SLC16A2: variants seen among roughly 807,000 people sequenced by gnomAD.
SLC16A2 encodes solute carrier family 16 member 2, also known as monocarboxylate transporter 8.
In SLC16A2, 3 loss-of-function variants were observed where a neutral mutation model predicts 27.2. The observed-to-expected ratio is 0.11, with a 90% confidence interval of 0.05 to 0.28. The LOEUF is 0.28. Among genes scored for constraint, SLC16A2 ranks in the 10% least tolerant of loss-of-function variants. The pLI is 1.00. For missense variants in SLC16A2, 295 were observed against 458.5 expected (o/e 0.64, Z 3.26); for synonymous variants, 202 against 187.8 (o/e 1.08, Z -0.62).
At chrX:74,496,882 C>T (rs1399334885) in intron 1 of SLC16A2, among the ~76,000 whole-genome samples, 1 of 112,142 alleles carries the variant, frequency 8.9e-6, no homozygotes, top group Non-Finnish European at 1.9e-5. Flanking sequence ...TCAAACTCCA[C>T]GTTGTTCTGC....
At chrX:74,427,838 CA>C (rs1569282331) in intron 1 of SLC16A2, among the ~76,000 whole-genome samples, 61 of 110,081 alleles carry the variant, frequency 5.5e-4, no homozygotes, top group East Asian at 8.8e-4. Flanking sequence ...CACACACACA[CA>C]CACCCATACC....
rs182816449 is a variant in SLC16A2 at position 74,476,155 on chromosome X, A to G, written c.431-44835A>G. On this transcript the variant is annotated intron_variant, in intron 1 of 5. Transcript: ENST00000587091. ...ATTTGTTTGTATCCTCTTTCATTTC[A>G]TCAAGCAGTGGTTTGTAGTTCTCCT... Among the ~76,000 whole-genome samples the G allele has an allele frequency of 1.3e-4, 15 of 111,597 alleles. 1 individual carries two copies. The highest frequency in any genetic ancestry group is 1.1e-3 in the Admixed American group (12 of 10,492).
chrX:74,475,324 GTTGT>G (rs199500856), intron 1 of SLC16A2, among the ~76,000 whole-genome samples: 30,173 of 107,000 alleles, frequency 0.28, 4,401 homozygotes, highest in East Asian at 0.83. Context: ...TGTTGATGGA[GTTGT>G]TTGTTTTTTT....
chrX:74,441,675 C>T (rs759477390), intron 1 of SLC16A2, among the ~76,000 whole-genome samples: 2 of 111,394 alleles, frequency 1.8e-5, no homozygotes, highest in Non-Finnish European at 1.9e-5. Context: ...TTCAACTTCC[C>T]ACCTCTCCAA....
chrX:74,455,547 C>T (rs1929027909), intron 1 of SLC16A2, among the ~76,000 whole-genome samples: 1 of 111,118 alleles, frequency 9.0e-6, no homozygotes, highest in Non-Finnish European at 1.9e-5. Flanking sequence ...TAGGGTCAGC[C>T]TTGGTAAGTG....
intron 1 of SLC16A2, among the ~76,000 whole-genome samples, chrX:74,498,048 G>A (rs1429003506): frequency 5.4e-5 from 6 of 111,668 alleles, no homozygotes; most frequent in Admixed American, 1.9e-4. Flanking sequence ...TCACTCCTGG[G>A]TATAGGCCAA....
intron 1 of SLC16A2, among the ~76,000 whole-genome samples, chrX:74,465,614 C>T (rs1929237396): frequency 9.0e-6 from 1 of 111,537 alleles, no homozygotes; most frequent in Admixed American, 9.5e-5. Context: ...CAGGGCAGTC[C>T]CCACTAGAAG....
intron 1 of SLC16A2, among the ~76,000 whole-genome samples, chrX:74,485,410 T>C (rs750691920): frequency 9.1e-5 from 10 of 109,896 alleles, no homozygotes; most frequent in Non-Finnish European, 1.5e-4. Flanking sequence ...TCTTTATATA[T>C]ATATATATCT....
At chrX:74,487,682 G>T (rs185230967) in intron 1 of SLC16A2, among the ~76,000 whole-genome samples, 97 of 111,729 alleles carry the variant, frequency 8.7e-4, no homozygotes, top group Non-Finnish European at 1.7e-3. Flanking sequence ...TTACAAAATG[G>T]AACAATCCCT....
chrX:74,443,104 A>G (rs1928781901), intron 1 of SLC16A2, among the ~76,000 whole-genome samples: 1 of 112,098 alleles, frequency 8.9e-6, no homozygotes, highest in African/African-American at 3.2e-5. Context: ...AAATGTTTCC[A>G]TGGGTTATCT....
chrX:74,455,090 A>G (rs1464204348), intron 1 of SLC16A2, among the ~76,000 whole-genome samples: 1 of 112,036 alleles, frequency 8.9e-6, no homozygotes, highest in African/African-American at 3.2e-5. Flanking sequence ...TACTTGTGCA[A>G]ATTACTTAAT....
chrX:74,472,245 T>A (rs1929370743), intron 1 of SLC16A2, among the ~76,000 whole-genome samples: 1 of 112,123 alleles, frequency 8.9e-6, no homozygotes, highest in South Asian at 3.7e-4. Flanking sequence ...GTTTTTTTGT[T>A]GCTTGTGCTT....
intron 1 of SLC16A2, among the ~76,000 whole-genome samples, chrX:74,445,412 T>G (rs960344): frequency 0.074 from 8,131 of 109,559 alleles, 332 homozygotes; most frequent in Admixed American, 0.13. Flanking sequence ...CAAGAAGACT[T>G]ATTTCATTTC....
chrX:74,453,257 A>G (rs1403822052), intron 1 of SLC16A2, among the ~76,000 whole-genome samples: 8 of 110,532 alleles, frequency 7.2e-5, no homozygotes, highest in Non-Finnish European at 1.5e-4. Flanking sequence ...CTGGTCTCGA[A>G]TTCCTGACCT....
intron 1 of SLC16A2, among the ~76,000 whole-genome samples, chrX:74,464,925 T>A (rs899854575): frequency 1.8e-5 from 2 of 110,955 alleles, no homozygotes; most frequent in African/African-American, 6.6e-5. Context: ...CAAGATCCCA[T>A]CTCAATAACA....
chrX:74,469,749 C>T (rs778115428), intron 1 of SLC16A2, among the ~76,000 whole-genome samples: 2 of 110,911 alleles, frequency 1.8e-5, no homozygotes, highest in Admixed American at 9.7e-5. Flanking sequence ...CCCTACCCCC[C>T]AGCATGCACA....
chrX:74,440,977 GT>G (rs1197349071), intron 1 of SLC16A2, among the ~76,000 whole-genome samples: 1 of 110,571 alleles, frequency 9.0e-6, no homozygotes, highest in Non-Finnish European at 1.9e-5. Flanking sequence ...TACACACTTT[GT>G]TTTTTGTGAG....
rs146196990 is a variant in SLC16A2, at chrX:74,491,287, C to T, written c.431-29703C>T. Among the ~76,000 whole-genome samples the T allele has an allele frequency of 8.8e-3, 986 of 111,929 alleles. 10 individuals are homozygous for T. The highest frequency in any genetic ancestry group is 0.031 in the African/African-American group (941 of 30,792). On this transcript the variant is annotated intron_variant, in intron 1 of 5. Transcript: ENST00000587091. The stretch of plus-strand genomic sequence containing the variant: ...ATCAATCAAATACATTTAAGATATA[C>T]ATTGGTTTGGTTCAGAAAGGTGAAA...
At chrX:74,485,747 C>A (rs1031252817) in intron 1 of SLC16A2, among the ~76,000 whole-genome samples, 1 of 111,069 alleles carries the variant, frequency 9.0e-6, no homozygotes, top group African/African-American at 3.3e-5. Context: ...TAGGATGAAC[C>A]CGAGCACTTA....
Sources: allele counts gnomAD v4.1 joint callset (sites outside exome capture counted in the v4.1 genomes callset), GRCh38; gene constraint gnomAD v4.1.1; transcripts MANE v1.5; gene names NCBI Gene and HGNC (gene_info 2026-07-23, HGNC 2026-07-21).